NUDCD1: variants seen among roughly 807,000 people sequenced by gnomAD.
NUDCD1 encodes the protein nudC domain-containing protein 1.
A neutral mutation model predicts 67.8 loss-of-function variants in NUDCD1; 60 were observed. The ratio of observed to expected loss-of-function variants is 0.88; its 90% CI spans 0.72 to 1.10. The LOEUF is 1.10. NUDCD1 is among the 50% of genes least tolerant of loss of function. The probability of loss-of-function intolerance (pLI) is 0.00; values close to 1 mark genes in which losing one functional copy is unlikely to be tolerated. For missense variants in NUDCD1, 643 were observed against 695.0 expected (o/e 0.93, Z 0.84); for synonymous variants, 244 against 230.8 (o/e 1.06, Z -0.52).
At chr8:109,309,512 T>G (rs1339253316) in intron 2 of NUDCD1, among the ~76,000 whole-genome samples, 1 of 152,134 alleles carries the variant, frequency 6.6e-6, no homozygotes, top group Non-Finnish European at 1.5e-5. Context: ...TAATACTGAA[T>G]GGGGCAAAGT....
intron 5 of NUDCD1, among the ~76,000 whole-genome samples, chr8:109,284,322 C>G (rs1211408472): frequency 1.3e-5 from 2 of 152,048 alleles, no homozygotes; most frequent in Non-Finnish European, 2.9e-5. Flanking sequence ...AAAGACTTAG[C>G]CACAAGACAA....
At chr8:109,261,831 T>C (rs1563662678) in intron 8 of NUDCD1, among the ~76,000 whole-genome samples, 1 of 152,162 alleles carries the variant, frequency 6.6e-6, no homozygotes, top group Non-Finnish European at 1.5e-5. Context: ...TAAATGTAAA[T>C]TTTCTTCAAG....
intron 2 of NUDCD1, among the ~76,000 whole-genome samples, chr8:109,306,970 T>G (rs953427959): frequency 2.6e-5 from 4 of 152,076 alleles, no homozygotes; most frequent in Non-Finnish European, 5.9e-5. Flanking sequence ...CCAAAAATTT[T>G]CACCACCCCA....
chr8:109,322,663 G>A (rs1815569864), intron 1 of NUDCD1, among the ~76,000 whole-genome samples, 200 bp from the exon 2 acceptor site: 1 of 152,064 alleles, frequency 6.6e-6, no homozygotes, highest in African/African-American at 2.4e-5. Flanking sequence ...AACTGATATG[G>A]TCCCACGTCC....
chr8:109,333,918 A>C lies in NUDCD1; in HGVS notation c.93T>G (p.Pro31=). The C allele has an allele frequency of 3.1e-6, 5 of 1,614,190 alleles. No individual in the cohort carries two copies. The highest frequency in any genetic ancestry group is 4.2e-6 in the Non-Finnish European group (5 of 1,179,998). ...EGYKLSLEPL[P]CYQLELDAAV... ...CTGCGTCAAGCTCCAGCTGGTAACA[A>C]GGCAGCGGCTCAAGAGAGAGCTTGT... is the stretch of plus-strand genomic sequence containing the variant. Residue 31 remains proline, a synonymous_variant, in exon 1 of 10, where the codon CCT becomes CCG. Coordinates refer to ENST00000239690, the MANE Select transcript of NUDCD1 (RefSeq NM_032869.4).
chr8:109,320,879 T>C (rs1339806642), intron 2 of NUDCD1, among the ~76,000 whole-genome samples: 2 of 152,152 alleles, frequency 1.3e-5, no homozygotes, highest in Admixed American at 6.5e-5. Context: ...TTTGTGTTTA[T>C]ACTTGCAAAA....
intron 4 of NUDCD1, 103 bp downstream of exon 4, chr8:109,293,241 A>C (rs1202496449): frequency 1.7e-6 from 1 of 571,918 alleles, no homozygotes. Flanking sequence ...ATTGTAACAC[A>C]ATGCCCAAGA....
intron 1 of NUDCD1, among the ~76,000 whole-genome samples, chr8:109,328,985 T>C (rs1420956572): frequency 6.6e-6 from 1 of 152,192 alleles, no homozygotes; most frequent in Non-Finnish European, 1.5e-5. Context: ...AAAACAATTA[T>C]TGCTACATGT....
At chr8:109,325,207 TGGGGGATGAA>T (rs757476132) in intron 1 of NUDCD1, among the ~76,000 whole-genome samples, 142 of 150,070 alleles carry the variant, frequency 9.5e-4, no homozygotes, top group Non-Finnish European at 1.1e-3. Context: ...AAGATGGGGG[TGGGGGATGAA>T]GGGAGGTTGC....
At chr8:109,280,607 T>A (rs1247566165) in intron 6 of NUDCD1, among the ~76,000 whole-genome samples, 1 of 152,200 alleles carries the variant, frequency 6.6e-6, no homozygotes, top group African/African-American at 2.4e-5. Flanking sequence ...ATATTTAAAA[T>A]TTTAAAGAAT....
In NUDCD1 at chr8:109,322,449, T is replaced by C. The variant is rs750453453; in HGVS notation, c.133A>G (p.Lys45Glu). 1.3e-6 allele frequency: 2 copies of C among 1,590,010 alleles called. No individual in the cohort carries two copies. Among genetic ancestry groups the C allele is most frequent in the Middle Eastern group, 1.7e-4 (1 of 5,962 alleles). ...AGTGTATATTGATCATCTCGAAGTT[T>C]TACCTCTGCCACAGCTGAAATACAA... ...LELDAAVAEV[K>E]LRDDQYTLEH... The change falls in exon 2 of 10, where the codon AAA (lysine) becomes GAA (glutamate). Residue 45 changes from lysine to glutamate, a missense_variant. Coordinates refer to ENST00000239690, the MANE Select transcript of NUDCD1 (RefSeq NM_032869.4).
At chr8:109,262,797 C>T (rs527804852) in intron 8 of NUDCD1, among the ~76,000 whole-genome samples, 6 of 151,892 alleles carry the variant, frequency 4.0e-5, no homozygotes, top group South Asian at 2.1e-4. Flanking sequence ...AGCTCACGCC[C>T]GTAATCCTAG....
At chr8:109,298,860 C>G (rs1263856362) in intron 2 of NUDCD1, 1 of 152,112 alleles carries the variant, frequency 6.6e-6, no homozygotes, top group East Asian at 1.9e-4. Flanking sequence ...TCAGGAAAGC[C>G]GAGAGAACCC....
intron 6 of NUDCD1, among the ~76,000 whole-genome samples, chr8:109,278,652 C>A (rs1248365824): frequency 1.3e-5 from 2 of 152,164 alleles, no homozygotes; most frequent in African/African-American, 4.8e-5. Context: ...TGGAATCATA[C>A]AGTATGATTT....
At chr8:109,308,273 G>A (rs1039060025) in intron 2 of NUDCD1, among the ~76,000 whole-genome samples, 12 of 152,114 alleles carry the variant, frequency 7.9e-5, no homozygotes, top group African/African-American at 2.4e-4. Context: ...AAAATTCTTC[G>A]AACTGCAGAC....
intron 2 of NUDCD1, chr8:109,316,211 G>A (rs1815391379): frequency 6.6e-6 from 1 of 152,158 alleles, no homozygotes; most frequent in African/African-American, 2.4e-5. Context: ...GCTTTCCCAA[G>A]GCATTTTCTA....
intron 5 of NUDCD1, among the ~76,000 whole-genome samples, chr8:109,283,010 C>A (rs1814493997): frequency 6.6e-6 from 1 of 152,032 alleles, no homozygotes; most frequent in Non-Finnish European, 1.5e-5. Context: ...GGAAGCTCAA[C>A]AAGATCTAAG....
intron 9 of NUDCD1, 93 bp from the exon 10 acceptor site, chr8:109,243,394 T>C (rs1255026341): frequency 9.4e-7 from 1 of 1,065,824 alleles, no homozygotes; most frequent in Non-Finnish European, 1.3e-6. Context: ...GCAATGTTTA[T>C]TACAAATTAA....
intron 2 of NUDCD1, among the ~76,000 whole-genome samples, chr8:109,310,571 G>A (rs1264497014): frequency 2.0e-5 from 3 of 152,226 alleles, no homozygotes; most frequent in African/African-American, 4.8e-5. Flanking sequence ...AGGATTTCAT[G>A]ACCAAGAACC....
Sources: gnomAD v4.1 joint callset for allele counts (sites outside exome capture counted in the v4.1 genomes callset) on GRCh38, gnomAD v4.1.1 for gene constraint, MANE v1.5 for transcripts, NCBI Gene and HGNC (gene_info 2026-07-23, HGNC 2026-07-21) for gene names.